Variants in KIRREL3 observed in about 807,000 individuals in gnomAD.
KIRREL3 encodes kin of IRRE-like protein 3.
A neutral mutation model predicts 89.7 loss-of-function variants in KIRREL3; 36 were observed. That is an observed-to-expected ratio of 0.40 (90% CI 0.31 to 0.53). The LOEUF (loss-of-function observed/expected upper bound fraction) is 0.53. Ranked by LOEUF, KIRREL3 falls within the 20% of genes least tolerant of loss-of-function variation. KIRREL3 has a pLI of 0.49. For synonymous variants in KIRREL3, 445 were observed against 441.4 expected (o/e 1.01, Z -0.10); for missense variants, 864 against 1,056.6 (o/e 0.82, Z 2.53).
At chr11:126,961,715 T>G (rs1197104150) in intron 1 of KIRREL3, among the ~76,000 whole-genome samples, 1 of 152,256 alleles carries the variant, frequency 6.6e-6, no homozygotes, top group East Asian at 1.9e-4. Context: ...AGACTTTCAC[T>G]GTAGATGAAA....
At chr11:126,445,130 G>A (rs754633839) in intron 9 of KIRREL3, 25 bp from the exon 10 acceptor site, 52 of 1,611,762 alleles carry the variant, frequency 3.2e-5, no homozygotes, top group East Asian at 8.9e-5. Context: ...AGGCTCAGAT[G>A]CCAAGAGCAG....
chr11:126,732,225 T>C (rs1948645094), intron 1 of KIRREL3, among the ~76,000 whole-genome samples: 1 of 152,240 alleles, frequency 6.6e-6, no homozygotes, highest in African/African-American at 2.4e-5. Context: ...GATAGAGTAA[T>C]TAATAGGAAA....
Position 126,566,387 on chromosome 11 carries a change from C to T in KIRREL3, c.56-3475G>A, listed in dbSNP as rs570681266. On this transcript the variant is annotated intron_variant, in intron 1 of 16. Coordinates refer to ENST00000525144, the MANE Select transcript of KIRREL3 (RefSeq NM_032531.4). This position sits in a 1 kb window ranked among gnomAD's most constrained non-coding sequence, Gnocchi z 4.9. ...AACTGAAGTGTCAGGACTGTGCCTT[C>T]TCCTGCTCTGAGCCCGTAGGACCAA... Among the ~76,000 whole-genome samples the T allele has an allele frequency of 3.3e-5, 5 of 152,332 alleles. No homozygotes were observed. Among genetic ancestry groups the T allele is most frequent in the African/African-American group, 1.2e-4 (5 of 41,576 alleles).
intron 1 of KIRREL3, among the ~76,000 whole-genome samples, chr11:126,626,935 T>C (rs1943811710): frequency 6.7e-6 from 1 of 148,934 alleles, no homozygotes; most frequent in African/African-American, 2.5e-5. Flanking sequence ...TTGAACCCAG[T>C]GGGGCGGAGG....
At position 126,878,635 on chromosome 11, in the gene KIRREL3, GA is replaced by G. The variant is rs141228232; in HGVS notation, c.55+121819del. ...CACAACCCTGAATTCAGGAGCAAAA[GA>G]AAAAAAAAACAAGAATAATGAAGAT... On this transcript the variant is annotated intron_variant, in intron 1 of 16. Transcript: ENST00000525144. Among the ~76,000 whole-genome samples, 40 of 145,028 alleles carry G rather than the reference GA, an allele frequency of 2.8e-4. 1 individual carries two copies. In the East Asian group the frequency reaches 3.0e-3, roughly 11 times the overall value.
At chr11:126,834,581 T>C (rs1346815295) in intron 1 of KIRREL3, among the ~76,000 whole-genome samples, 2 of 152,216 alleles carry the variant, frequency 1.3e-5, no homozygotes, top group Non-Finnish European at 2.9e-5. Context: ...GTGAATGCCG[T>C]GACAAAAAAT....
At chr11:126,460,877 C>T (rs1291647018) in intron 6 of KIRREL3, among the ~76,000 whole-genome samples, 1 of 152,214 alleles carries the variant, frequency 6.6e-6, no homozygotes, top group East Asian at 1.9e-4. Flanking sequence ...GCTAGATTGT[C>T]ACTTTTGTCC....
At chr11:126,672,887 T>G (rs1946020733) in intron 1 of KIRREL3, among the ~76,000 whole-genome samples, 1 of 152,228 alleles carries the variant, frequency 6.6e-6, no homozygotes, top group Admixed American at 6.5e-5. Context: ...CATTAGTGTT[T>G]CAATTGCTTT....
intron 1 of KIRREL3, among the ~76,000 whole-genome samples, chr11:126,813,697 G>A (rs139635204): frequency 1.4e-4 from 22 of 151,900 alleles, no homozygotes; most frequent in African/African-American, 4.3e-4. Context: ...AAGCAAAGAG[G>A]TCTCAAATAT....
chr11:126,603,849 G>C (rs1942769012), intron 1 of KIRREL3, among the ~76,000 whole-genome samples: 1 of 152,198 alleles, frequency 6.6e-6, no homozygotes, highest in South Asian at 2.1e-4. Context: ...GAGAACTCGT[G>C]TTCCCCGATA....
At chr11:126,504,304 T>C (rs367961212) in intron 4 of KIRREL3, among the ~76,000 whole-genome samples, 2 of 152,180 alleles carry the variant, frequency 1.3e-5, no homozygotes, top group African/African-American at 4.8e-5. Context: ...TGTCCTCTTA[T>C]GGTCTCTTCT....
At chr11:126,974,535 A>G (rs592814) in intron 1 of KIRREL3, among the ~76,000 whole-genome samples, 2,687 of 21,554 alleles carry the variant, frequency 0.12, 528 homozygotes, top group Middle Eastern at 0.18. Flanking sequence ...GGTATAGCCC[A>G]TTACACACCT....
At chr11:126,433,498 C>T (rs1353945415) in intron 13 of KIRREL3, among the ~76,000 whole-genome samples, 2 of 152,120 alleles carry the variant, frequency 1.3e-5, no homozygotes, top group African/African-American at 4.8e-5. Flanking sequence ...GACTTGCACA[C>T]GAAGCCATTG....
intron 1 of KIRREL3, among the ~76,000 whole-genome samples, chr11:126,810,980 C>A (rs1023974187): frequency 1.3e-5 from 2 of 152,088 alleles, no homozygotes; most frequent in Non-Finnish European, 2.9e-5. Context: ...GGAGGTGGTA[C>A]GTTAATGAGC....
intron 1 of KIRREL3, among the ~76,000 whole-genome samples, chr11:126,714,203 G>T (rs570558054): frequency 5.1e-4 from 77 of 152,278 alleles, no homozygotes; most frequent in African/African-American, 1.9e-3. Flanking sequence ...CACAGTTCTG[G>T]CCTCTCTGCC....
chr11:126,450,657 ATGAG>A (rs1447719310), intron 7 of KIRREL3, among the ~76,000 whole-genome samples: 64 of 136,854 alleles, frequency 4.7e-4, no homozygotes, highest in African/African-American at 1.8e-3. Context: ...GTGTGTGTGC[ATGAG>A]TGTGTGTGTG....
chr11:126,802,261 G>A lies in KIRREL3; in HGVS notation c.55+198194C>T, dbSNP rs145968234. Among the ~76,000 whole-genome samples the A allele has an allele frequency of 6.6e-6, 1 of 152,222 alleles. No homozygotes were observed. The highest frequency in any genetic ancestry group is 2.4e-5 in the African/African-American group (1 of 41,526). ...CAAAGAGGAGTAAGAGATCCTCCAG[G>A]TGGAGTGGGCCATGGTCAAGGCAGG... On this transcript the variant is annotated intron_variant, in intron 1 of 16. Coordinates refer to ENST00000525144, the MANE Select transcript of KIRREL3 (RefSeq NM_032531.4). This position sits in a 1 kb window ranked among gnomAD's most constrained non-coding sequence, Gnocchi z 5.2.
chr11:126,892,423 C>T lies in KIRREL3; in HGVS notation c.55+108032G>A, dbSNP rs1483337922. Among the ~76,000 whole-genome samples, 1 of 152,138 alleles carries T rather than the reference C, an allele frequency of 6.6e-6. No individual in the cohort carries two copies. The highest frequency in any genetic ancestry group is 2.4e-5 in the African/African-American group (1 of 41,428). Reference sequence around the variant, plus strand: ...TTTAATCTGTACCATTTAGGATATGCTCAGGAGGGGCCCTGGGAGAGGCAC... The same window carrying T: ...TTTAATCTGTACCATTTAGGATATGTTCAGGAGGGGCCCTGGGAGAGGCAC... On this transcript the variant is annotated intron_variant, in intron 1 of 16. Coordinates refer to ENST00000525144, the MANE Select transcript of KIRREL3 (RefSeq NM_032531.4). This position sits in a 1 kb window ranked among gnomAD's most constrained non-coding sequence, Gnocchi z 5.4.
chr11:126,930,298 T>C (rs968768432), intron 1 of KIRREL3, among the ~76,000 whole-genome samples: 3 of 152,220 alleles, frequency 2.0e-5, no homozygotes, highest in African/African-American at 7.2e-5. Context: ...GGGAAGTTCA[T>C]GAATGAACCT....
Sources: allele counts gnomAD v4.1 joint callset (sites outside exome capture counted in the v4.1 genomes callset), GRCh38; gene constraint gnomAD v4.1.1; non-coding constraint Gnocchi (gnomAD v3.1); transcripts MANE v1.5; gene names NCBI Gene and HGNC (gene_info 2026-07-23, HGNC 2026-07-21).